SEMA5A: variants seen among roughly 807,000 people sequenced by gnomAD.
SEMA5A encodes the protein semaphorin 5A, also known as semaphorin-5A.
In SEMA5A, 55 loss-of-function variants were observed where a neutral mutation model predicts 135.5. That is an observed-to-expected ratio of 0.41 (90% CI 0.33 to 0.51). The LOEUF is 0.51. SEMA5A is among the 20% of genes least tolerant of loss of function. SEMA5A has a pLI of 0.37. For missense variants in SEMA5A, 1,290 were observed against 1,419.9 expected, an observed-to-expected ratio of 0.91 and a Z score of 1.47; for synonymous variants, 580 against 546.5, an observed-to-expected ratio of 1.06 and a Z score of -0.85.
At chr5:9,510,998 T>C (rs2126845496) in intron 1 of SEMA5A, among the ~76,000 whole-genome samples, 1 of 152,302 alleles carries the variant, frequency 6.6e-6, no homozygotes, top group African/African-American at 2.4e-5. Flanking sequence ...GCCATTCAAA[T>C]TTTCGTTTGC....
At chr5:9,219,009 C>G (rs1245557071) in intron 8 of SEMA5A, among the ~76,000 whole-genome samples, 2 of 152,226 alleles carry the variant, frequency 1.3e-5, no homozygotes, top group Non-Finnish European at 2.9e-5. Flanking sequence ...CGTTGTCCCA[C>G]TTTATTCTCA....
At chr5:9,049,688 C>T (rs558983881) in intron 21 of SEMA5A, among the ~76,000 whole-genome samples, 3 of 152,306 alleles carry the variant, frequency 2.0e-5, no homozygotes, top group South Asian at 2.1e-4. Context: ...GACATTGGCT[C>T]GGATTCTGAA....
At chr5:9,324,558 G>A (rs1320639964) in intron 4 of SEMA5A, among the ~76,000 whole-genome samples, 1 of 152,082 alleles carries the variant, frequency 6.6e-6, no homozygotes, top group South Asian at 2.1e-4. Context: ...AAGCCAGCTG[G>A]CAACATGAGG....
chr5:9,275,277 A>G (rs978293859), intron 5 of SEMA5A, among the ~76,000 whole-genome samples: 2 of 151,508 alleles, frequency 1.3e-5, no homozygotes, highest in African/African-American at 4.8e-5. Context: ...CCAAGACTAA[A>G]CCAGGAAGAA....
At chr5:9,085,506 C>G (rs887996768) in intron 16 of SEMA5A, among the ~76,000 whole-genome samples, 1 of 152,214 alleles carries the variant, frequency 6.6e-6, no homozygotes, top group African/African-American at 2.4e-5. Context: ...GCAGAGGGTG[C>G]AAGCCCCAAG....
chr5:9,253,595 A>C (rs533579046), intron 5 of SEMA5A, among the ~76,000 whole-genome samples: 1 of 152,300 alleles, frequency 6.6e-6, no homozygotes, highest in African/African-American at 2.4e-5. Context: ...TGTTTTGACA[A>C]ATATTATTAT....
chr5:9,059,029 C>G (rs886093460), intron 18 of SEMA5A, among the ~76,000 whole-genome samples: 1 of 152,238 alleles, frequency 6.6e-6, no homozygotes, highest in Admixed American at 6.5e-5. Context: ...TCTTTTGACT[C>G]AGAGTCTGTC....
At chr5:9,315,411 T>C (rs963280060) in intron 5 of SEMA5A, among the ~76,000 whole-genome samples, 3 of 152,212 alleles carry the variant, frequency 2.0e-5, no homozygotes, top group African/African-American at 4.8e-5. Context: ...TTAATATTAA[T>C]ACATTTCTAC....
chr5:9,274,066 C>T (rs1444941633), intron 5 of SEMA5A, among the ~76,000 whole-genome samples: 2 of 152,060 alleles, frequency 1.3e-5, no homozygotes, highest in African/African-American at 4.8e-5. Flanking sequence ...AGAGTCAAGA[C>T]CCATCGGTGT....
At chr5:9,407,740 A>G (rs932937324) in intron 2 of SEMA5A, among the ~76,000 whole-genome samples, 16 of 152,194 alleles carry the variant, frequency 1.1e-4, no homozygotes, top group African/African-American at 3.9e-4. Context: ...TCATGCTGCT[A>G]GGTCAACTAA....
At chr5:9,408,576 C>T (rs147276555) in intron 2 of SEMA5A, among the ~76,000 whole-genome samples, 44 of 152,320 alleles carry the variant, frequency 2.9e-4, no homozygotes, top group African/African-American at 7.9e-4. Flanking sequence ...ACTCCTACAT[C>T]GTGCTTAGTA....
intron 13 of SEMA5A, among the ~76,000 whole-genome samples, chr5:9,136,062 T>A (rs73740346): frequency 0.075 from 11,415 of 152,242 alleles, 464 homozygotes; most frequent in South Asian, 0.15. Context: ...TGGCCCCACA[T>A]GAAGGTGAAA....
intron 11 of SEMA5A, among the ~76,000 whole-genome samples, chr5:9,190,023 T>C (rs991372104): frequency 6.6e-6 from 1 of 152,182 alleles, no homozygotes; most frequent in African/African-American, 2.4e-5. Flanking sequence ...TGAGGAATAA[T>C]AGCAAAGAAA....
At chr5:9,160,465 T>C (rs1180657809) in intron 11 of SEMA5A, among the ~76,000 whole-genome samples, 1 of 152,140 alleles carries the variant, frequency 6.6e-6, no homozygotes, top group Admixed American at 6.6e-5. Context: ...TAATTAAATG[T>C]TGGTGTTTCT....
chr5:9,097,399 C>T (rs747148321), intron 16 of SEMA5A, among the ~76,000 whole-genome samples: 9 of 152,164 alleles, frequency 5.9e-5, no homozygotes, highest in Non-Finnish European at 1.3e-4. Context: ...GGGATTTGAA[C>T]CTGAACAAAC....
At chr5:9,362,456 A>G (rs1459153190) in intron 3 of SEMA5A, among the ~76,000 whole-genome samples, 1 of 152,190 alleles carries the variant, frequency 6.6e-6, no homozygotes, top group Non-Finnish European at 1.5e-5. Context: ...TTTCACCTCA[A>G]TTCCAGAGTA....
At chr5:9,133,852 G>A (rs548752711) in intron 13 of SEMA5A, among the ~76,000 whole-genome samples, 1 of 147,428 alleles carries the variant, frequency 6.8e-6, no homozygotes, top group Admixed American at 6.9e-5. Context: ...ATATGCTTTG[G>A]CTCTGTGTCC....
chr5:9,252,895 C>G (rs1355879136), intron 5 of SEMA5A, among the ~76,000 whole-genome samples: 3 of 152,134 alleles, frequency 2.0e-5, no homozygotes, highest in Non-Finnish European at 4.4e-5. Context: ...CTCTTGGGCT[C>G]TCACCCTTTT....
At chr5:9,403,990 A>G (rs141568993) in intron 2 of SEMA5A, among the ~76,000 whole-genome samples, 111 of 152,330 alleles carry the variant, frequency 7.3e-4, no homozygotes, top group African/African-American at 2.4e-3. Context: ...GCTGGAGTAC[A>G]GTGGCATGAT....
Sources: gnomAD v4.1 joint callset for allele counts (sites outside exome capture counted in the v4.1 genomes callset) on GRCh38, gnomAD v4.1.1 for gene constraint, MANE v1.5 for transcripts, NCBI Gene and HGNC (gene_info 2026-07-23, HGNC 2026-07-21) for gene names.